Variants in LMCD1 observed in about 807,000 individuals in gnomAD.
The protein encoded by LMCD1 is LIM and cysteine rich domains 1.
A neutral mutation model predicts 42.7 loss-of-function variants in LMCD1; 32 were observed. The observed-to-expected ratio is 0.75, with a 90% CI of 0.57 to 1.01. LMCD1 has a LOEUF of 1.01. LMCD1 is among the 50% of genes least tolerant of loss of function. The pLI, the probability that LMCD1 is intolerant of heterozygous loss-of-function variation, is 0.00. For missense variants in LMCD1, 458 were observed against 483.1 expected (o/e 0.95, Z 0.49); for synonymous variants, 178 against 184.9 (o/e 0.96, Z 0.30).
chr3:8,505,151 C>T (rs968369958), intron 1 of LMCD1, among the ~76,000 whole-genome samples: 2 of 152,154 alleles, frequency 1.3e-5, no homozygotes, highest in Non-Finnish European at 2.9e-5. Context: ...TGCATGGATG[C>T]GGAAAGGAAT....
rs1210277596 is a variant in LMCD1 at position 8,571,592 on chromosome 3, A to C, written c.*3994A>C. On this transcript the variant is annotated 3_prime_UTR_variant, in exon 6 of 6. Coordinates refer to ENST00000157600, the MANE Select transcript of LMCD1 (RefSeq NM_014583.4). Reference sequence around the variant, plus strand: ...GGAGACAAAGGGAGGATGGAGAGAAACGACTGGACTGAGAGAAGAGCCCAC... The same window carrying C: ...GGAGACAAAGGGAGGATGGAGAGAACCGACTGGACTGAGAGAAGAGCCCAC... The C allele has an allele frequency of 6.6e-6, 1 of 152,220 alleles. No individual in the cohort carries two copies. Among genetic ancestry groups the C allele is most frequent in the Non-Finnish European group, 1.5e-5 (1 of 68,066 alleles). The allele number at this position is 152,220 out of a possible 1,614,324, so 9.4% of individuals were successfully genotyped here.
chr3:8,502,321 T>TATAAAA (rs1553604870), intron 1 of LMCD1, among the ~76,000 whole-genome samples: 1 of 25,754 alleles, frequency 3.9e-5, no homozygotes, highest in East Asian at 2.6e-3. Context: ...AAAATATATA[T>TATAAAA]TATATATAAT....
intron 3 of LMCD1, among the ~76,000 whole-genome samples, chr3:8,545,523 C>T (rs1448419211): frequency 6.6e-6 from 1 of 152,188 alleles, no homozygotes; most frequent in Admixed American, 6.5e-5. Flanking sequence ...CTGTCCAGTG[C>T]TCGAGAATCC....
chr3:8,502,960 C>T (rs1017666506), intron 1 of LMCD1, among the ~76,000 whole-genome samples: 2 of 152,138 alleles, frequency 1.3e-5, no homozygotes, highest in Admixed American at 6.5e-5. Flanking sequence ...CCCTAGGCAT[C>T]CAGACTCAGT....
At chr3:8,536,641 T>C (rs905212973) in intron 2 of LMCD1, among the ~76,000 whole-genome samples, 1 of 152,222 alleles carries the variant, frequency 6.6e-6, no homozygotes, top group Non-Finnish European at 1.5e-5. Flanking sequence ...ATTTTAATAA[T>C]TCTTTAGAGC....
rs138662991 is a variant in LMCD1, at chr3:8,504,717, C to CT, written c.42+2746dup. ...CTTCCACCGGCTGCTCTTGAACCAT[C>CT]TTTTTTTTTCTATTAGGAAAGAGAA... On this transcript the variant is annotated intron_variant, in intron 1 of 5. Coordinates refer to ENST00000157600, the MANE Select transcript of LMCD1 (RefSeq NM_014583.4). Among the ~76,000 whole-genome samples the CT allele has an allele frequency of 5.9e-3, 896 of 151,940 alleles. 11 individuals carry two copies. The highest frequency in any genetic ancestry group is 0.011 in the South Asian group (52 of 4,786).
At position 8,574,644 on chromosome 3, in the gene LMCD1, C is replaced by A. The variant is rs1179401078; in HGVS notation, c.*7046C>A. ...AAGATAAGGCAAATGTTTTTAAAGG[C>A]CTAAATAAAATGATATTCCCTGAAG... is the stretch of plus-strand genomic sequence containing the variant. On this transcript the variant is annotated 3_prime_UTR_variant, in exon 6 of 6. Coordinates refer to ENST00000157600, the MANE Select transcript of LMCD1 (RefSeq NM_014583.4). The A allele has an allele frequency of 1.3e-5, 2 of 151,872 alleles. No individual in the cohort carries two copies. Among genetic ancestry groups the A allele is most frequent in the African/African-American group, 2.4e-5 (1 of 41,312 alleles). The allele number at this position is 151,872 out of a possible 1,614,324, so 9.4% of individuals were successfully genotyped here.
At chr3:8,557,920 G>GGCTGGGAAGACACACACA (rs1694953314) in intron 4 of LMCD1, among the ~76,000 whole-genome samples, 1 of 152,128 alleles carries the variant, frequency 6.6e-6, no homozygotes, top group Non-Finnish European at 1.5e-5. Flanking sequence ...TTGAGCTAGA[G>GGCTGGGAAGACACACACA]GCTGGGAAGA....
chr3:8,567,600 G>T lies in LMCD1; in HGVS notation c.*2G>T. 6.2e-7 allele frequency: 1 copy of T among 1,611,794 alleles called. No individual in the cohort carries two copies. Among genetic ancestry groups the T allele is most frequent in the Non-Finnish European group, 8.5e-7 (1 of 1,178,814 alleles). On this transcript the variant is annotated 3_prime_UTR_variant, in exon 6 of 6. Coordinates refer to ENST00000157600, the MANE Select transcript of LMCD1 (RefSeq NM_014583.4). ...TGCAGCAAGTCCAAACGCTCCTGAAGGGCTGCCCACCCACAGCCAGAATCC... is the reference window on the plus strand; with the variant it reads ...TGCAGCAAGTCCAAACGCTCCTGAATGGCTGCCCACCCACAGCCAGAATCC...
At chr3:8,514,874 G>A (rs1694069538) in intron 1 of LMCD1, 1 of 452,260 alleles carries the variant, frequency 2.2e-6, no homozygotes, top group Non-Finnish European at 4.5e-6. Flanking sequence ...AATAGAAAGT[G>A]GCCTGAGGGA....
At chr3:8,561,613 T>C (rs982491110) in intron 4 of LMCD1, among the ~76,000 whole-genome samples, 1 of 152,206 alleles carries the variant, frequency 6.6e-6, no homozygotes, top group African/African-American at 2.4e-5. Flanking sequence ...TGGAGTCAGG[T>C]TTGGCCTTTG....
At position 8,508,262 on chromosome 3, in the gene LMCD1, C is replaced by A. The variant is rs138904471; in HGVS notation, c.42+6282C>A. 2.3e-3 allele frequency among the ~76,000 whole-genome samples: 346 copies of A among 152,316 alleles called. 2 individuals are homozygous for A. Among genetic ancestry groups the A allele is most frequent in the African/African-American group, 7.9e-3 (329 of 41,562 alleles). On this transcript the variant is annotated intron_variant, in intron 1 of 5. Coordinates refer to ENST00000157600, the MANE Select transcript of LMCD1 (RefSeq NM_014583.4). ...CCTTGACATGTGCATTTCTACATGT[C>A]TAGTCAGCCTGACCCATGGCCTACC... is the stretch of plus-strand genomic sequence containing the variant.
intron 4 of LMCD1, chr3:8,549,792 C>T: frequency 2.8e-6 from 2 of 702,428 alleles, no homozygotes; most frequent in Non-Finnish European, 5.2e-6. Context: ...TGAGCACTCT[C>T]TGCAGAGTCC....
chr3:8,505,802 G>T (rs541078984), intron 1 of LMCD1, among the ~76,000 whole-genome samples: 1 of 152,296 alleles, frequency 6.6e-6, no homozygotes, highest in East Asian at 1.9e-4. Flanking sequence ...TCTGTACTCA[G>T]CCCTTCCTGC....
chr3:8,545,003 A>G (rs924890198), intron 3 of LMCD1, among the ~76,000 whole-genome samples: 2 of 152,246 alleles, frequency 1.3e-5, no homozygotes, highest in South Asian at 2.1e-4. Context: ...AAAAACAAAT[A>G]TATAAATGAG....
At chr3:8,502,321 T>TTATATAAA (rs1553604871) in intron 1 of LMCD1, among the ~76,000 whole-genome samples, 1 of 25,760 alleles carries the variant, frequency 3.9e-5, no homozygotes, top group Non-Finnish European at 6.0e-5. Flanking sequence ...AAAATATATA[T>TTATATAAA]TATATATAAT....
At chr3:8,511,728 T>G (rs1694005279) in intron 1 of LMCD1, among the ~76,000 whole-genome samples, 1 of 152,242 alleles carries the variant, frequency 6.6e-6, no homozygotes, top group East Asian at 1.9e-4. Context: ...TACATTCCAC[T>G]GTATTCATCC....
At chr3:8,542,383 G>A (rs1694643652) in intron 3 of LMCD1, among the ~76,000 whole-genome samples, 1 of 152,186 alleles carries the variant, frequency 6.6e-6, no homozygotes, top group Non-Finnish European at 1.5e-5. Flanking sequence ...CAGCCAGGAA[G>A]CACATTAGCC....
intron 5 of LMCD1, among the ~76,000 whole-genome samples, chr3:8,566,206 A>G (rs901997562): frequency 2.0e-5 from 3 of 152,350 alleles, no homozygotes; most frequent in African/African-American, 7.2e-5. Flanking sequence ...ACACAATACA[A>G]TACAATATGA....
Sources: allele counts gnomAD v4.1 joint callset (sites outside exome capture counted in the v4.1 genomes callset), GRCh38; gene constraint gnomAD v4.1.1; transcripts MANE v1.5; gene names NCBI Gene and HGNC (gene_info 2026-07-23, HGNC 2026-07-21).